AGPAT5: variants seen among roughly 807,000 people sequenced by gnomAD.
AGPAT5 encodes the protein 1-acyl-sn-glycerol-3-phosphate acyltransferase epsilon.
Under a neutral mutation model 45.6 loss-of-function variants are expected in AGPAT5, and 46 were observed. The ratio of observed to expected loss-of-function variants is 1.01; its 90% confidence interval spans 0.80 to 1.29. The LOEUF is 1.29. Ranked by LOEUF, AGPAT5 falls within the 50% of genes most tolerant of loss-of-function variation. The probability of loss-of-function intolerance (pLI) is 0.00; values close to 1 mark genes in which losing one functional copy is unlikely to be tolerated. For missense variants in AGPAT5, 673 were observed against 450.7 expected, an observed-to-expected ratio of 1.49 and a Z score of -4.47; for synonymous variants, 272 against 167.0, an observed-to-expected ratio of 1.63 and a Z score of -4.85.
intron 5 of AGPAT5, among the ~76,000 whole-genome samples, chr8:6,746,783 T>C (rs1801483055): frequency 6.6e-6 from 1 of 152,316 alleles, no homozygotes; most frequent in Non-Finnish European, 1.5e-5. Flanking sequence ...CAGTAGAAAA[T>C]CTAGACTAGT....
chr8:6,717,697 C>T (rs191854367), intron 1 of AGPAT5, among the ~76,000 whole-genome samples: 11 of 152,288 alleles, frequency 7.2e-5, no homozygotes, highest in Admixed American at 5.2e-4. Flanking sequence ...TTGGATGTAA[C>T]GTAGTTAACG....
At position 6,727,189 on chromosome 8, in the gene AGPAT5, A is replaced by G. The variant is rs369758295; in HGVS notation, c.289+2250A>G. ...GTCTTCTGCCAGGCTTGCCGGAATA[A>G]ATGAGTTTCCTGGCCTGATACTCAA... On this transcript the variant is annotated intron_variant, in intron 2 of 7. Coordinates refer to ENST00000285518, the MANE Select transcript of AGPAT5 (RefSeq NM_018361.5). Among the ~76,000 whole-genome samples, 306 of 152,300 alleles carry G rather than the reference A, an allele frequency of 2.0e-3. 12 individuals carry two copies. In the South Asian group the frequency reaches 0.06, roughly 30 times the overall value.
chr8:6,747,571 G>T, intron 5 of AGPAT5, 99 bp from the exon 6 acceptor site: 1 of 1,110,818 alleles, frequency 9.0e-7, no homozygotes, highest in Non-Finnish European at 1.3e-6. Context: ...AGATTCTGTT[G>T]TGTGTGTTTG....
chr8:6,713,677 C>T (rs1375222616), intron 1 of AGPAT5, among the ~76,000 whole-genome samples: 4 of 152,136 alleles, frequency 2.6e-5, no homozygotes, highest in African/African-American at 9.7e-5. Context: ...CCTCAGCCTC[C>T]TGAGTAGCTG....
intron 2 of AGPAT5, among the ~76,000 whole-genome samples, chr8:6,728,358 G>T (rs2980683): frequency 1.4e-4 from 22 of 152,306 alleles, no homozygotes; most frequent in Admixed American, 5.2e-4. Flanking sequence ...CTATCTGAAA[G>T]GTAGCTGAGA....
At chr8:6,750,494 A>G (rs1439621268) in intron 6 of AGPAT5, among the ~76,000 whole-genome samples, 2 of 152,236 alleles carry the variant, frequency 1.3e-5, no homozygotes, top group Admixed American at 1.3e-4. Context: ...TTTCTGAATT[A>G]AAGGAAAAAT....
intron 4 of AGPAT5, among the ~76,000 whole-genome samples, chr8:6,740,680 T>G (rs1801219235): frequency 6.6e-6 from 1 of 151,944 alleles, no homozygotes; most frequent in African/African-American, 2.4e-5. Context: ...AAGAAAAAAT[T>G]CAGTACCACA....
intron 1 of AGPAT5, among the ~76,000 whole-genome samples, chr8:6,721,858 T>G (rs1370007216): frequency 6.6e-6 from 1 of 152,154 alleles, no homozygotes. Context: ...TTATTTTTAT[T>G]TTTATCTTTA....
rs372548565 is a variant in AGPAT5 at position 6,717,387 on chromosome 8, G to A, written c.220-7483G>A. The stretch of plus-strand genomic sequence containing the variant: ...GGGGCGGAAAGAAAGGAGGGTGATG[G>A]TACCTGGAAAGGAGAGTCATGTTAA... On this transcript the variant is annotated intron_variant, in intron 1 of 7. Coordinates refer to ENST00000285518, the MANE Select transcript of AGPAT5 (RefSeq NM_018361.5). Among the ~76,000 whole-genome samples the A allele has an allele frequency of 1.9e-3, 292 of 152,282 alleles. 9 individuals are homozygous for A. The South Asian group carries it at 0.057, about 30-fold the overall frequency.
At chr8:6,709,045 C>T (rs777170599) in intron 1 of AGPAT5, 158 bp downstream of exon 1, 134 of 769,240 alleles carry the variant, frequency 1.7e-4, no homozygotes, top group Non-Finnish European at 2.8e-4. Flanking sequence ...CCGCATGCTT[C>T]CTGCCGTTCT....
chr8:6,714,783 C>T (rs948837617), intron 1 of AGPAT5, among the ~76,000 whole-genome samples: 1 of 152,154 alleles, frequency 6.6e-6, no homozygotes, highest in Non-Finnish European at 1.5e-5. Context: ...CGAAATATAC[C>T]TGCATACCTA....
chr8:6,708,914 C>T (rs753432175), intron 1 of AGPAT5, 27 bp downstream of exon 1: 13 of 1,584,168 alleles, frequency 8.2e-6, no homozygotes, highest in East Asian at 2.3e-5. Context: ...TCCCGGGTCT[C>T]GGCGTCCACC....
chr8:6,709,009 C>T (rs769429848), intron 1 of AGPAT5, 122 bp downstream of exon 1: 7 of 913,520 alleles, frequency 7.7e-6, no homozygotes, highest in Non-Finnish European at 1.0e-5. Context: ...GCACGGAGAG[C>T]ACGTGCCGCC....
chr8:6,709,102 A>T, intron 1 of AGPAT5: 1 of 619,900 alleles, frequency 1.6e-6, no homozygotes, highest in South Asian at 1.9e-5. Context: ...TCCTGAGGCT[A>T]CGAGTGGGAC....
intron 2 of AGPAT5, among the ~76,000 whole-genome samples, 187 bp downstream of exon 2, chr8:6,725,126 T>C (rs1245934388): frequency 6.6e-6 from 1 of 152,196 alleles, no homozygotes; most frequent in Non-Finnish European, 1.5e-5. Context: ...AGCTATGAAT[T>C]TTCCTAAACT....
intron 7 of AGPAT5, among the ~76,000 whole-genome samples, chr8:6,755,688 T>A (rs991543076): frequency 6.6e-6 from 1 of 152,234 alleles, no homozygotes; most frequent in Non-Finnish European, 1.5e-5. Flanking sequence ...TTCAGAAATT[T>A]TAGCCAATTG....
In AGPAT5 at chr8:6,726,032, A is replaced by G. The variant is rs577282959; in HGVS notation, c.289+1093A>G. 5.7e-4 allele frequency among the ~76,000 whole-genome samples: 87 copies of G among 152,368 alleles called. 1 individual carries two copies. The highest frequency in any genetic ancestry group is 2.0e-3 in the African/African-American group (84 of 41,594). On this transcript the variant is annotated intron_variant, in intron 2 of 7. Transcript: ENST00000285518. Reference sequence around the variant, plus strand: ...TTTATAGGACAAGGGTTGAAGCTACAAGGGGTTGATAGGAATCTTGATGTA... The same window carrying G: ...TTTATAGGACAAGGGTTGAAGCTACGAGGGGTTGATAGGAATCTTGATGTA...
chr8:6,736,934 T>G (rs903048987), intron 4 of AGPAT5, among the ~76,000 whole-genome samples: 1 of 152,256 alleles, frequency 6.6e-6, no homozygotes. Flanking sequence ...AAAGTTCTGT[T>G]TTATGCTTAC....
intron 5 of AGPAT5, among the ~76,000 whole-genome samples, chr8:6,742,530 C>T (rs769168887): frequency 6.6e-6 from 1 of 152,174 alleles, no homozygotes; most frequent in Non-Finnish European, 1.5e-5. Context: ...GGTGACATTA[C>T]AGCAGGGCCT....
Sources: allele counts gnomAD v4.1 joint callset (sites outside exome capture counted in the v4.1 genomes callset), GRCh38; gene constraint gnomAD v4.1.1; transcripts MANE v1.5; gene names NCBI Gene and HGNC (gene_info 2026-07-23, HGNC 2026-07-21).